The following CAMK2D variants were observed in gnomAD, a reference collection of about 807,000 sequenced individuals.
CAMK2D encodes the protein calcium/calmodulin-dependent protein kinase type II subunit delta.
Under a neutral mutation model 84.0 loss-of-function variants are expected in CAMK2D, and 37 were observed. The ratio of observed to expected loss-of-function variants is 0.44; its 90% CI spans 0.34 to 0.58. The LOEUF is 0.58. Ranked by LOEUF, CAMK2D falls within the 20% of genes least tolerant of loss-of-function variation. The probability of loss-of-function intolerance (pLI) is 0.02; values close to 1 mark genes in which losing one functional copy is unlikely to be tolerated. For missense variants in CAMK2D, 448 were observed against 652.5 expected (o/e 0.69, Z 3.41); for synonymous variants, 202 against 212.5 (o/e 0.95, Z 0.43).
chr4:113,690,865 G>A (rs1001385908), intron 2 of CAMK2D, among the ~76,000 whole-genome samples: 2 of 152,152 alleles, frequency 1.3e-5, no homozygotes, highest in Non-Finnish European at 2.9e-5. Context: ...CACATAGTTT[G>A]GGGCCAGTTG....
intron 16 of CAMK2D, among the ~76,000 whole-genome samples, chr4:113,479,449 C>T (rs1260970346): frequency 6.6e-6 from 1 of 152,158 alleles, no homozygotes; most frequent in African/African-American, 2.4e-5. Flanking sequence ...AAATATGTCT[C>T]AACTCAGAAT....
chr4:113,740,762 A>G (rs1593950788), intron 2 of CAMK2D, among the ~76,000 whole-genome samples: 2 of 151,868 alleles, frequency 1.3e-5, no homozygotes, highest in East Asian at 1.9e-4. Context: ...CTCCTCCAAA[A>G]TCCATCCTTC....
At chr4:113,661,874 C>A in intron 2 of CAMK2D, 102 bp from the exon 3 acceptor site, 1 of 597,072 alleles carries the variant, frequency 1.7e-6, no homozygotes, top group East Asian at 2.8e-5. Context: ...ATTTACTTAT[C>A]CTTTGATTTC....
chr4:113,609,099 A>C, intron 4 of CAMK2D, 53 bp downstream of exon 4: 1 of 945,446 alleles, frequency 1.1e-6, no homozygotes, highest in Non-Finnish European at 1.7e-6. Flanking sequence ...TCATTAATTC[A>C]AAACGGTCCT....
intron 4 of CAMK2D, among the ~76,000 whole-genome samples, chr4:113,585,456 T>C (rs2098829515): frequency 6.6e-6 from 1 of 152,148 alleles, no homozygotes; most frequent in African/African-American, 2.4e-5. Flanking sequence ...TGTATACACA[T>C]GTATTTTGTA....
chr4:113,482,726 AT>A (rs1402058914), intron 16 of CAMK2D, among the ~76,000 whole-genome samples: 1 of 152,244 alleles, frequency 6.6e-6, no homozygotes, highest in Non-Finnish European at 1.5e-5. Flanking sequence ...CTCATCACAG[AT>A]TTTAAATTTT....
intron 3 of CAMK2D, among the ~76,000 whole-genome samples, chr4:113,649,884 C>A (rs1561595530): frequency 6.6e-6 from 1 of 152,016 alleles, no homozygotes; most frequent in Non-Finnish European, 1.5e-5. Flanking sequence ...GAGTTTGAGA[C>A]CAGCCTGGCC....
rs2099484050 is a variant in CAMK2D at position 113,709,751 on chromosome 4, A to ATATATATATATATATATATATATATC, written c.161-47980_161-47979insGATATATATATATATATATATATATA. On this transcript the variant is annotated intron_variant, in intron 2 of 20. Coordinates refer to ENST00000511664, the MANE Select transcript of CAMK2D (RefSeq NM_001321571.2). ...AAAAGCTAAAAGCCGTGAACGATAT[A>ATATATATATATATATATATATATATC]TATATATATATATATATATATATAT... 2.2e-5 allele frequency among the ~76,000 whole-genome samples: 2 copies of ATATATATATATATATATATATATATC among 90,384 alleles called. 1 individual carries two copies. The highest frequency in any genetic ancestry group is 1.0e-4 in the African/African-American group (2 of 19,966). The allele number at this position is 90,384 out of a possible 152,430, so 59.3% of individuals were successfully genotyped here.
chr4:113,471,343 C>T (rs552165674), intron 16 of CAMK2D, among the ~76,000 whole-genome samples: 2 of 152,142 alleles, frequency 1.3e-5, no homozygotes, highest in Non-Finnish European at 2.9e-5. Context: ...TGGCTCTGAC[C>T]GCATGCTGAA....
intron 3 of CAMK2D, among the ~76,000 whole-genome samples, chr4:113,633,619 CA>C (rs972470525): frequency 7.2e-5 from 11 of 152,018 alleles, no homozygotes; most frequent in African/African-American, 2.7e-4. Flanking sequence ...CTGTCATTTC[CA>C]ATAGGATAAA....
intron 17 of CAMK2D, among the ~76,000 whole-genome samples, chr4:113,462,153 T>C (rs2097384313): frequency 6.6e-6 from 1 of 152,164 alleles, no homozygotes; most frequent in African/African-American, 2.4e-5. Context: ...GTTGTCATTA[T>C]CAGTGAACCA....
intron 12 of CAMK2D, among the ~76,000 whole-genome samples, chr4:113,510,296 ATT>A (rs2098193489): frequency 6.6e-6 from 1 of 152,220 alleles, no homozygotes; most frequent in East Asian, 1.9e-4. Context: ...GGCATTATGT[ATT>A]CTTTTATACA....
At chr4:113,639,974 G>C (rs1435027621) in intron 3 of CAMK2D, among the ~76,000 whole-genome samples, 5 of 152,054 alleles carry the variant, frequency 3.3e-5, no homozygotes, top group East Asian at 1.9e-4. Flanking sequence ...TGTGGGTTAG[G>C]GGGAGGGGAT....
intron 3 of CAMK2D, among the ~76,000 whole-genome samples, chr4:113,640,434 A>G (rs2099127885): frequency 6.6e-6 from 1 of 152,252 alleles, no homozygotes; most frequent in African/African-American, 2.4e-5. Flanking sequence ...GGTAACTCAT[A>G]TGGTTTCCTG....
intron 2 of CAMK2D, among the ~76,000 whole-genome samples, chr4:113,679,964 C>T (rs1313343393): frequency 1.3e-5 from 2 of 152,058 alleles, no homozygotes; most frequent in African/African-American, 2.4e-5. Flanking sequence ...AATACAATTT[C>T]CAAATTAATA....
chr4:113,537,259 T>C lies in CAMK2D; in HGVS notation c.517+82A>G, dbSNP rs2098499769. ...TATTAGGATGAAGTTTTCCATTTTA[T>C]TTTCACTAGGAAGTGGGATTAGGAG... On this transcript the variant is annotated intron_variant, in intron 7 of 20. Coordinates refer to ENST00000511664, the MANE Select transcript of CAMK2D (RefSeq NM_001321571.2). 5 of 696,380 alleles carry C rather than the reference T, an allele frequency of 7.2e-6. No homozygotes were observed. The East Asian group carries it at 8.1e-5, about 11-fold the overall frequency. The allele number at this position is 696,380 out of a possible 1,614,324, so 43.1% of individuals were successfully genotyped here.
intron 2 of CAMK2D, among the ~76,000 whole-genome samples, chr4:113,680,018 ATT>A (rs2099336397): frequency 6.6e-6 from 1 of 152,190 alleles, no homozygotes; most frequent in Non-Finnish European, 1.5e-5. Context: ...AAGTCTAGTA[ATT>A]TGTGGCTTGA....
intron 15 of CAMK2D, among the ~76,000 whole-genome samples, chr4:113,501,939 T>A (rs2098053602): frequency 6.6e-6 from 1 of 152,170 alleles, no homozygotes; most frequent in Admixed American, 6.5e-5. Flanking sequence ...TTAAAGAACA[T>A]AACACTTCAT....
chr4:113,459,879 G>C (rs753704068), intron 18 of CAMK2D, among the ~76,000 whole-genome samples: 20 of 151,754 alleles, frequency 1.3e-4, no homozygotes, highest in Non-Finnish European at 2.6e-4. Flanking sequence ...ACCCGCCTCG[G>C]CCCCCAAAGC....
Sources: gnomAD v4.1 joint callset for allele counts (sites outside exome capture counted in the v4.1 genomes callset) on GRCh38, gnomAD v4.1.1 for gene constraint, MANE v1.5 for transcripts, NCBI Gene and HGNC (gene_info 2026-07-23, HGNC 2026-07-21) for gene names.